SMCO2: variants seen among roughly 807,000 people sequenced by gnomAD.
SMCO2 encodes single-pass membrane and coiled-coil domain-containing protein 2.
In SMCO2, 25 loss-of-function variants were observed where a neutral mutation model predicts 29.5. The ratio of observed to expected loss-of-function variants is 0.85; its 90% confidence interval spans 0.62 to 1.18. The LOEUF is 1.18. SMCO2 is among the 50% of genes most tolerant of loss of function. SMCO2 has a pLI of 0.00. For synonymous variants in SMCO2, 117 were observed against 123.3 expected (o/e 0.95, Z 0.34); for missense variants, 348 against 344.5 (o/e 1.01, Z -0.08).
the SMCO2 span, among the ~76,000 whole-genome samples, chr12:27,434,834 G>T: frequency 6.6e-6 from 1 of 152,112 alleles, no homozygotes; most frequent in South Asian, 2.1e-4. Context: ...GATGGAAGGG[G>T]TGTCCCACAC....
rs778993662 is a variant in SMCO2, at chr12:27,495,812, G to A, written c.640G>A (p.Ala214Thr). ...GGAGGCCCTGCTTCCTCAGGCCCCA[G>A]CATCCTTTTTAGTGCAGAAGTCTCC... Residue 214 changes from alanine (A) to threonine (T), a missense_variant, in exon 7 of 8, where the codon GCA (alanine) becomes ACA (threonine). Coordinates refer to ENST00000298876, the Ensembl canonical transcript of SMCO2. 19 of 1,533,238 alleles carry A rather than the reference G, an allele frequency of 1.2e-5. No homozygotes were observed. The South Asian group carries it at 1.7e-4, about 14-fold the overall frequency. The allele number at this position is 1,533,238 out of a possible 1,614,324, so 95.0% of individuals were successfully genotyped here. A position where few individuals can be genotyped will look rare whatever the true frequency, so the allele number is the denominator to read the frequency against.
chr12:27,459,734 T>G, the SMCO2 span, among the ~76,000 whole-genome samples: 1 of 152,176 alleles, frequency 6.6e-6, no homozygotes, highest in Non-Finnish European at 1.5e-5. Context: ...GCTTCCTCAT[T>G]GCCCAAAATA....
At chr12:27,444,731 A>G in the SMCO2 span, among the ~76,000 whole-genome samples, 1 of 152,190 alleles carries the variant, frequency 6.6e-6, no homozygotes, top group Non-Finnish European at 1.5e-5. Context: ...CTCATCCACT[A>G]TTGCTGGGAG....
chr12:27,473,698 A>G (rs60400307), intron 3 of SMCO2, among the ~76,000 whole-genome samples: 13,720 of 152,262 alleles, frequency 0.09, 1,123 homozygotes, highest in African/African-American at 0.22. Flanking sequence ...AGTTATTTCT[A>G]TTGACTTGGC....
the SMCO2 span, among the ~76,000 whole-genome samples, chr12:27,435,104 A>G: frequency 6.6e-6 from 1 of 152,106 alleles, no homozygotes; most frequent in East Asian, 1.9e-4. Context: ...AGATGACTTC[A>G]GTTTTCAGAT....
At chr12:27,498,013 A>G (rs1943032442) in intron 7 of SMCO2, 1 of 285,164 alleles carries the variant, frequency 3.5e-6, no homozygotes, top group Non-Finnish European at 7.0e-6. Flanking sequence ...TAGACCTGGA[A>G]TAAGGACTAA....
chr12:27,427,351 T>C, the SMCO2 span, among the ~76,000 whole-genome samples: 1 of 152,162 alleles, frequency 6.6e-6, no homozygotes, highest in African/African-American at 2.4e-5. Flanking sequence ...CAGTAAGTTG[T>C]CATGTGATGC....
the SMCO2 span, among the ~76,000 whole-genome samples, chr12:27,438,273 G>A: frequency 6.6e-6 from 1 of 152,222 alleles, no homozygotes; most frequent in Non-Finnish European, 1.5e-5. Context: ...TCATCCTAGG[G>A]CTGCTTTCTA....
intron 4 of SMCO2, 52 bp from the exon 6 acceptor site, chr12:27,488,408 C>T: frequency 7.8e-7 from 1 of 1,283,040 alleles, no homozygotes; most frequent in East Asian, 2.8e-5. Context: ...TACCTCCTCT[C>T]TTGGGTGATT....
the SMCO2 span, among the ~76,000 whole-genome samples, chr12:27,454,742 C>T: frequency 5.3e-5 from 8 of 152,154 alleles, no homozygotes; most frequent in Non-Finnish European, 1.2e-4. Context: ...CACCCCACAA[C>T]GGGCCCCAGT....
chr12:27,437,333 C>T, the SMCO2 span, among the ~76,000 whole-genome samples: 2 of 152,232 alleles, frequency 1.3e-5, no homozygotes, highest in African/African-American at 4.8e-5. Context: ...GAGCCAACAC[C>T]TTTTGGAGAA....
At chr12:27,428,307 T>G in the SMCO2 span, among the ~76,000 whole-genome samples, 1 of 152,166 alleles carries the variant, frequency 6.6e-6, no homozygotes, top group Non-Finnish European at 1.5e-5. Flanking sequence ...CAAAGTTAAT[T>G]CAACCTACAC....
At chr12:27,435,278 C>G in the SMCO2 span, among the ~76,000 whole-genome samples, 1 of 17,798 alleles carries the variant, frequency 5.6e-5, no homozygotes, top group African/African-American at 1.7e-4. Flanking sequence ...TAGATGGCAG[C>G]AGAACCCCCC....
chr12:27,466,878 C>A (rs1949502569), exon 1 of SMCO2: 1 of 152,244 alleles, frequency 6.6e-6, no homozygotes, highest in Non-Finnish European at 1.5e-5. Context: ...GAGGCTCTGG[C>A]ACCACTGGAA....
the SMCO2 span, among the ~76,000 whole-genome samples, chr12:27,428,820 T>TTTA: frequency 6.1e-5 from 9 of 148,644 alleles, no homozygotes; most frequent in African/African-American, 2.0e-4. Flanking sequence ...TAAATGTACT[T>TTTA]TTTTTTTTTT....
chr12:27,478,287 G>A (rs1182024674), intron 4 of SMCO2, among the ~76,000 whole-genome samples: 1 of 152,184 alleles, frequency 6.6e-6, no homozygotes, highest in Non-Finnish European at 1.5e-5. Context: ...TGGTCCTCAA[G>A]TGCTAGTGGT....
At chr12:27,467,696 T>C (rs776202198) in intron 1 of SMCO2, among the ~76,000 whole-genome samples, 1 of 152,160 alleles carries the variant, frequency 6.6e-6, no homozygotes, top group Non-Finnish European at 1.5e-5. Flanking sequence ...ACTGCAAAAC[T>C]TATAGTCAGA....
At chr12:27,494,588 T>C (rs930845428) in intron 6 of SMCO2, among the ~76,000 whole-genome samples, 1 of 151,586 alleles carries the variant, frequency 6.6e-6, no homozygotes, top group Non-Finnish European at 1.5e-5. Context: ...ACATGTCCCA[T>C]GGTGGTTTGC....
chr12:27,467,401 A>G (rs184349172), intron 1 of SMCO2, among the ~76,000 whole-genome samples: 117 of 151,596 alleles, frequency 7.7e-4, no homozygotes, highest in Non-Finnish European at 1.5e-3. Flanking sequence ...GTAACTCCCA[A>G]CTTTCATATG....
Sources: allele counts gnomAD v4.1 joint callset (sites outside exome capture counted in the v4.1 genomes callset), GRCh38; gene constraint gnomAD v4.1.1; transcripts MANE v1.5; gene names NCBI Gene and HGNC (gene_info 2026-07-23, HGNC 2026-07-21).